The following TGM4 variants were observed in gnomAD, a reference collection of about 807,000 sequenced individuals.
The protein encoded by TGM4 is transglutaminase 4.
In TGM4, 61 loss-of-function variants were observed where a neutral mutation model predicts 76.3. The observed-to-expected ratio is 0.80, with a 90% CI of 0.65 to 0.99. TGM4 has a LOEUF of 0.99. TGM4 is among the 50% of genes least tolerant of loss of function. The pLI is 0.00. For synonymous variants in TGM4, 337 were observed against 329.8 expected, an observed-to-expected ratio of 1.02 and a Z score of -0.24; for missense variants, 794 against 843.2, an observed-to-expected ratio of 0.94 and a Z score of 0.72.
chr3:44,891,167 C>G (rs963829878), intron 4 of TGM4, among the ~76,000 whole-genome samples: 3 of 152,172 alleles, frequency 2.0e-5, no homozygotes, highest in African/African-American at 7.2e-5. Flanking sequence ...TACACTGGAG[C>G]CTTTATGTAA....
intron 6 of TGM4, among the ~76,000 whole-genome samples, chr3:44,897,299 C>T (rs1035968519): frequency 1.3e-5 from 2 of 152,292 alleles, no homozygotes; most frequent in Non-Finnish European, 2.9e-5. Flanking sequence ...CCACCGCGCC[C>T]GGCTTTCAAG....
chr3:44,911,546 T>G (rs1451474162), intron 13 of TGM4, 140 bp downstream of exon 13: 2 of 940,158 alleles, frequency 2.1e-6, no homozygotes, highest in African/African-American at 3.3e-5. Flanking sequence ...CCAAATTACT[T>G]TGAGAAAAGA....
rs9822927 is a variant in TGM4, at chr3:44,880,998, G to A, written c.20-4327G>A. ...TTTTGGAGGCTGAGGCAGGAGGATC[G>A]CTTGAATTCAGGAGTTTGAGACCAG... On this transcript the variant is annotated intron_variant, in intron 1 of 13. Coordinates refer to ENST00000296125, the MANE Select transcript of TGM4 (RefSeq NM_003241.4). Among the ~76,000 whole-genome samples, 1,490 of 152,128 alleles carry A rather than the reference G, an allele frequency of 9.8e-3. 23 individuals are homozygous for A. Among genetic ancestry groups the A allele is most frequent in the African/African-American group, 0.031 (1,303 of 41,494 alleles).
At chr3:44,905,036 G>A (rs1161720472) in intron 9 of TGM4, among the ~76,000 whole-genome samples, 1 of 151,988 alleles carries the variant, frequency 6.6e-6, no homozygotes, top group Non-Finnish European at 1.5e-5. Flanking sequence ...CCAGGCTGGA[G>A]TGCAATGGTG....
At chr3:44,912,452 A>G (rs1700017779) in intron 13 of TGM4, among the ~76,000 whole-genome samples, 1 of 152,010 alleles carries the variant, frequency 6.6e-6, no homozygotes, top group South Asian at 2.1e-4. Flanking sequence ...TTAATTTGCT[A>G]TTTCATTTGT....
chr3:44,909,178 GTA>G (rs1699967060), intron 10 of TGM4, among the ~76,000 whole-genome samples: 1 of 152,170 alleles, frequency 6.6e-6, no homozygotes, highest in African/African-American at 2.4e-5. Flanking sequence ...ACAAGTTAGG[GTA>G]CATTTCAATG....
chr3:44,881,830 A>T (rs796485912), intron 1 of TGM4, among the ~76,000 whole-genome samples: 7 of 152,318 alleles, frequency 4.6e-5, no homozygotes, highest in African/African-American at 1.7e-4. Flanking sequence ...GGCAAAAGTT[A>T]TAGCAAAAAT....
chr3:44,886,598 G>C (rs1431692684), intron 2 of TGM4, among the ~76,000 whole-genome samples: 1 of 152,196 alleles, frequency 6.6e-6, no homozygotes, highest in Non-Finnish European at 1.5e-5. Flanking sequence ...TGACTTTATA[G>C]TACCCCTGGG....
intron 1 of TGM4, among the ~76,000 whole-genome samples, chr3:44,884,906 C>T (rs1394535958): frequency 1.3e-5 from 2 of 152,178 alleles, no homozygotes; most frequent in Admixed American, 6.5e-5. Flanking sequence ...TGTTGATTGA[C>T]GGAGAACACC....
chr3:44,887,984 G>A, intron 3 of TGM4, 189 bp downstream of exon 3: 1 of 602,238 alleles, frequency 1.7e-6, no homozygotes, highest in South Asian at 2.0e-5. Context: ...CAAGCACACA[G>A]TATCGCTGTG....
intron 2 of TGM4, 21 bp from the exon 3 acceptor site, chr3:44,887,668 T>C (rs1479125491): frequency 6.2e-7 from 1 of 1,611,420 alleles, no homozygotes; most frequent in Non-Finnish European, 8.5e-7. Flanking sequence ...TGGGCCAATG[T>C]TTTCCTTTGG....
chr3:44,875,484 C>T (rs759947845), intron 1 of TGM4, among the ~76,000 whole-genome samples: 4 of 152,154 alleles, frequency 2.6e-5, no homozygotes, highest in East Asian at 1.9e-4. Context: ...AATAGCAGAG[C>T]GGAGTCATGT....
chr3:44,885,859 T>C (rs1402304875), intron 2 of TGM4, among the ~76,000 whole-genome samples: 1 of 152,152 alleles, frequency 6.6e-6, no homozygotes, highest in African/African-American at 2.4e-5. Flanking sequence ...GGCAAGCCAA[T>C]AATAATGATT....
chr3:44,902,234 T>C (rs4683005), intron 8 of TGM4, among the ~76,000 whole-genome samples: 70,977 of 152,020 alleles, frequency 0.47, 17,093 homozygotes, highest in East Asian at 0.81. Flanking sequence ...GTGCTCACTG[T>C]TCCTGAAATT....
At position 44,910,191 on chromosome 3, in the gene TGM4, G is replaced by T; in HGVS notation, c.1429G>T (p.Val477Leu). 2 of 1,614,166 alleles carry T rather than the reference G, an allele frequency of 1.2e-6. No individual in the cohort carries two copies. Among genetic ancestry groups the T allele is most frequent in the Non-Finnish European group, 1.7e-6 (2 of 1,180,044 alleles). Residue 477 changes from valine to leucine, a missense_variant, in exon 11 of 14, where the codon GTA becomes TTA. Physicochemically the swap from Val to Leu is conservative, Grantham distance 32. Transcript: ENST00000296125. ...AAAAGAGAACTTTCTTCACATGTCG[G>T]TACAATCAGATGATGTGCTGCTGGG... ...PVKENFLHMSVQSDDVLLGNS... is the reference protein window; with the variant it reads ...PVKENFLHMSLQSDDVLLGNS...
In TGM4 at chr3:44,910,132, T is replaced by G; in HGVS notation, c.1370T>G (p.Leu457Arg). ...CAGGTCATGGATCATGCCTTCCTCC[T>G]TCTCAGTTCTGAGAGGGAGCACAGA... ...ERQVMDHAFLLLSSEREHRRP... is the reference protein window; with the variant it reads ...ERQVMDHAFLRLSSEREHRRP... The change falls in exon 11 of 14, where the codon CTT (leucine) becomes CGT (arginine). Residue 457 changes from leucine to arginine, a missense_variant. Leu to Arg is a moderately radical substitution (Grantham distance 102, BLOSUM62 -2). Coordinates refer to ENST00000296125, the MANE Select transcript of TGM4 (RefSeq NM_003241.4). 1 of 1,614,214 alleles carries G rather than the reference T, an allele frequency of 6.2e-7. No homozygotes were observed. The highest frequency in any genetic ancestry group is 8.5e-7 in the Non-Finnish European group (1 of 1,180,032).
At chr3:44,911,579 G>A (rs775046511) in intron 13 of TGM4, among the ~76,000 whole-genome samples, 173 bp downstream of exon 13, 3 of 152,274 alleles carry the variant, frequency 2.0e-5, no homozygotes, top group South Asian at 2.1e-4. Flanking sequence ...ATGCTCTACC[G>A]ACAGATCTTT....
At chr3:44,901,161 G>A (rs763034185) in intron 6 of TGM4, among the ~76,000 whole-genome samples, 4 of 152,014 alleles carry the variant, frequency 2.6e-5, no homozygotes, top group Non-Finnish European at 5.9e-5. Flanking sequence ...GATCACCTGA[G>A]CCCAGGAAGT....
chr3:44,913,911 GGTC>G lies in TGM4; in HGVS notation c.*187_*189del. ...AAGGCCAGGTCCTGTGCTATCACAG[GGTC>G]ACCTCTTTTACAGTTAGAAACACCA... is the stretch of plus-strand genomic sequence containing the variant. On this transcript the variant is annotated 3_prime_UTR_variant, in exon 14 of 14. Transcript: ENST00000296125. 5 of 674,220 alleles carry G rather than the reference GGTC, an allele frequency of 7.4e-6. No individual in the cohort carries two copies. Among genetic ancestry groups the G allele is most frequent in the Non-Finnish European group, 1.2e-5 (5 of 423,838 alleles). The allele number at this position is 674,220 out of a possible 1,614,324, so 41.8% of individuals were successfully genotyped here.
Sources: gnomAD v4.1 joint callset for allele counts (sites outside exome capture counted in the v4.1 genomes callset) on GRCh38, gnomAD v4.1.1 for gene constraint, MANE v1.5 for transcripts, NCBI Gene and HGNC (gene_info 2026-07-23, HGNC 2026-07-21) for gene names.